Variants in CDH22 observed in about 807,000 individuals in gnomAD.
The protein encoded by CDH22 is cadherin-22.
Under a neutral mutation model 58.4 loss-of-function variants are expected in CDH22, and 30 were observed. The ratio of observed to expected loss-of-function variants is 0.51; its 90% CI spans 0.38 to 0.70. CDH22 has a LOEUF of 0.70. Among genes scored for constraint, CDH22 ranks in the 30% least tolerant of loss-of-function variants. The probability of loss-of-function intolerance (pLI) is 0.00; values close to 1 mark genes in which losing one functional copy is unlikely to be tolerated. For synonymous variants in CDH22, 513 were observed against 558.2 expected, an observed-to-expected ratio of 0.92 and a Z score of 1.14; for missense variants, 1,014 against 1,233.9, an observed-to-expected ratio of 0.82 and a Z score of 2.67.
In CDH22 at chr20:46,215,629, T is replaced by A. The variant is rs188799240; in HGVS notation, c.838+1197A>T. 2.0e-5 allele frequency among the ~76,000 whole-genome samples: 3 copies of A among 152,284 alleles called. No individual in the cohort carries two copies. The East Asian group carries it at 5.8e-4, about 29-fold the overall frequency. On this transcript the variant is annotated intron_variant, in intron 5 of 11. Coordinates refer to ENST00000537909, the MANE Select transcript of CDH22 (RefSeq NM_021248.3). ...TTTGCTTTATAATTATTTGTTGAAC[T>A]GTTGTTTTTGTGTGCCATAGTTCAT...
intron 1 of CDH22, among the ~76,000 whole-genome samples, chr20:46,301,557 T>C (rs942988205): frequency 2.0e-5 from 3 of 151,862 alleles, no homozygotes; most frequent in Non-Finnish European, 2.9e-5. Flanking sequence ...ATGCCTGTAA[T>C]CCCAGCACTT....
chr20:46,255,384 G>C (rs1199274951), intron 1 of CDH22, among the ~76,000 whole-genome samples: 1 of 152,210 alleles, frequency 6.6e-6, no homozygotes, highest in Non-Finnish European at 1.5e-5. Flanking sequence ...TGACAAAGCA[G>C]TGCCTCAAAC....
rs779553282 is a variant in CDH22 at position 46,210,491 on chromosome 20, G to T, written c.1102C>A (p.Arg368Ser). The change falls in exon 7 of 12, where the codon CGC becomes AGC. Residue 368 changes from arginine (R) to serine (S), a missense_variant. By Grantham distance (110) the Arg-to-Ser change is moderately radical (BLOSUM62 -1). Coordinates refer to ENST00000537909, the MANE Select transcript of CDH22 (RefSeq NM_021248.3). This position sits in a 1 kb window ranked among gnomAD's most constrained non-coding sequence, Gnocchi z 4.5. ...LEALNKFVDP[R>S]FADLGTFRDQ... ...CGGAACGTGCCCAGGTCGGCGAAGC[G>T]GGGGTCCACGAACTTGTTGAGGGCC... The T allele has an allele frequency of 2.7e-5, 39 of 1,432,730 alleles. No homozygotes were observed. The highest frequency in any genetic ancestry group is 4.5e-5 in the African/African-American group (3 of 67,036). The allele number at this position is 1,432,730 out of a possible 1,614,324, so 88.8% of individuals were successfully genotyped here.
At chr20:46,182,635 G>A (rs2085797853) in intron 10 of CDH22, among the ~76,000 whole-genome samples, 1 of 152,236 alleles carries the variant, frequency 6.6e-6, no homozygotes, top group African/African-American at 2.4e-5. Flanking sequence ...CTGGGCAGCA[G>A]CTGGCTTCAG....
intron 2 of CDH22, among the ~76,000 whole-genome samples, chr20:46,244,304 G>A (rs1329597638): frequency 6.6e-6 from 1 of 152,194 alleles, no homozygotes; most frequent in Non-Finnish European, 1.5e-5. Flanking sequence ...GCTCTCTGGG[G>A]ACTGCAGAGT....
At chr20:46,195,614 A>ACCCCCCCCC (rs113226361) in intron 8 of CDH22, among the ~76,000 whole-genome samples, 7 of 105,778 alleles carry the variant, frequency 6.6e-5, no homozygotes, top group African/African-American at 2.0e-4. Flanking sequence ...TCTCCCCTAG[A>ACCCCCCCCC]CCCCCCCCCC....
chr20:46,198,287 G>GAC (rs368091518), intron 8 of CDH22, among the ~76,000 whole-genome samples: 35,123 of 128,370 alleles, frequency 0.27, 5,025 homozygotes, highest in Middle Eastern at 0.38. Flanking sequence ...GCACCAAAAA[G>GAC]ACACACACAC....
At chr20:46,223,725 T>C (rs55821697) in intron 4 of CDH22, among the ~76,000 whole-genome samples, 16,557 of 47,314 alleles carry the variant, frequency 0.35, 1,348 homozygotes, top group Middle Eastern at 0.55. Flanking sequence ...TTTTCTTTCT[T>C]TCTCTTTCTT....
chr20:46,272,907 C>T (rs1325429466), intron 1 of CDH22, among the ~76,000 whole-genome samples: 7 of 152,022 alleles, frequency 4.6e-5, no homozygotes, highest in African/African-American at 1.7e-4. Flanking sequence ...AATTTAAAGC[C>T]CAGGATAAAG....
rs1398797065 is a variant in CDH22 at position 46,175,139 on chromosome 20, C to T, written c.1916-62G>A. The T allele has an allele frequency of 6.7e-6, 10 of 1,500,192 alleles. No homozygotes were observed. The Admixed American group carries it at 1.6e-4, about 24-fold the overall frequency. 92.9% of individuals were successfully genotyped at this position (1,500,192 alleles called of 1,614,324 possible). A position where few individuals can be genotyped will look rare whatever the true frequency, so the allele number is the denominator to read the frequency against. Reference sequence around the variant, plus strand: ...CCCCTCCCAGGGCATTAGAAGGACCCTCTACCCCATCTCCTCCCGCCTCCC... The same window carrying T: ...CCCCTCCCAGGGCATTAGAAGGACCTTCTACCCCATCTCCTCCCGCCTCCC... On this transcript the variant is annotated intron_variant, in intron 11 of 11. Transcript: ENST00000537909.
intron 4 of CDH22, among the ~76,000 whole-genome samples, chr20:46,221,507 A>G (rs988658115): frequency 6.6e-5 from 10 of 152,158 alleles, no homozygotes; most frequent in African/African-American, 2.4e-4. Context: ...GCTTCCTTAC[A>G]TAGCAGTCTC....
chr20:46,192,740 G>C (rs1229587193), intron 8 of CDH22, among the ~76,000 whole-genome samples: 1 of 152,010 alleles, frequency 6.6e-6, no homozygotes, highest in African/African-American at 2.4e-5. Context: ...CAAACACCAG[G>C]CTCTGATTAG....
intron 10 of CDH22, among the ~76,000 whole-genome samples, chr20:46,179,480 G>C (rs1222613335): frequency 1.3e-5 from 2 of 152,200 alleles, no homozygotes; most frequent in Non-Finnish European, 2.9e-5. Context: ...GGTCTGACTT[G>C]TGGCCTTTGG....
chr20:46,186,768 G>C, intron 9 of CDH22, 58 bp downstream of exon 9: 1 of 1,600,246 alleles, frequency 6.2e-7, no homozygotes, highest in Non-Finnish European at 8.5e-7. Flanking sequence ...GGTCGAGGTA[G>C]AGGATGCTGC....
intron 1 of CDH22, among the ~76,000 whole-genome samples, chr20:46,283,955 G>A (rs548414199): frequency 6.6e-6 from 1 of 152,226 alleles, no homozygotes; most frequent in Admixed American, 6.5e-5. Flanking sequence ...GCTAACAAAC[G>A]GCTGTCGGAA....
chr20:46,174,989 G>A lies in CDH22; in HGVS notation c.2004C>T (p.Ile668=). Residue 668 remains isoleucine (I), a synonymous_variant, in exon 12 of 12, where the codon ATC becomes ATT. Coordinates refer to ENST00000537909, the MANE Select transcript of CDH22 (RefSeq NM_021248.3). The surrounding 1 kb of genome is among the most constrained non-coding windows in gnomAD (Gnocchi z 4.4). ...CGCCGCCGCCTTCGTCGTTGTATTT[G>A]ATGACGTTGTCCCGCATGTCTTCAT... The part of the protein sequence containing the change: ...DEDEDMRDNV[I]KYNDEGGGEQ... The A allele has an allele frequency of 6.2e-7, 1 of 1,607,880 alleles. No individual in the cohort carries two copies.
At chr20:46,267,963 CAGG>C (rs888769963) in intron 1 of CDH22, among the ~76,000 whole-genome samples, 2 of 152,242 alleles carry the variant, frequency 1.3e-5, no homozygotes, top group African/African-American at 4.8e-5. Flanking sequence ...GCTCTCTCAG[CAGG>C]GGCCTCAGCT....
At chr20:46,257,419 A>AG (rs2086411976) in intron 1 of CDH22, among the ~76,000 whole-genome samples, 1 of 152,156 alleles carries the variant, frequency 6.6e-6, no homozygotes, top group Admixed American at 6.5e-5. Context: ...GCTTTGATCA[A>AG]GGGGGAGCAG....
chr20:46,279,945 CCAA>C (rs1328259560), intron 1 of CDH22, among the ~76,000 whole-genome samples: 1 of 152,094 alleles, frequency 6.6e-6, no homozygotes, highest in African/African-American at 2.4e-5. Context: ...CTCCATCCTC[CCAA>C]CAAGACTTTG....
Sources: allele counts gnomAD v4.1 joint callset (sites outside exome capture counted in the v4.1 genomes callset), GRCh38; gene constraint gnomAD v4.1.1; non-coding constraint Gnocchi (gnomAD v3.1); transcripts MANE v1.5; gene names NCBI Gene and HGNC (gene_info 2026-07-23, HGNC 2026-07-21).